The following EDN3 variants were observed in gnomAD, a reference collection of about 807,000 sequenced individuals.
EDN3 encodes the protein endothelin 3, also known as endothelin-3.
EDN3 carries 9 observed loss-of-function variants against 21.4 expected under a neutral mutation model. That is an observed-to-expected ratio of 0.42 (90% confidence interval 0.25 to 0.73). The LOEUF is 0.73. EDN3 is among the 30% of genes least tolerant of loss of function. The pLI, the probability that EDN3 is intolerant of heterozygous loss-of-function variation, is 0.26. For missense variants in EDN3, 327 were observed against 309.4 expected (o/e 1.06, Z -0.43); for synonymous variants, 133 against 126.2 (o/e 1.05, Z -0.36).
chr20:59,304,219 G>A (rs892292326), intron 2 of EDN3, among the ~76,000 whole-genome samples: 1 of 152,136 alleles, frequency 6.6e-6, no homozygotes, highest in Non-Finnish European at 1.5e-5. Flanking sequence ...GAGAAAATGG[G>A]CTGTGGTGAC....
At position 59,301,459 on chromosome 20, in the gene EDN3, C is replaced by T. The variant is rs760033782; in HGVS notation, c.102C>T (p.Ser34=). The T allele has an allele frequency of 6.2e-6, 10 of 1,613,338 alleles. No individual in the cohort carries two copies. The Admixed American group carries it at 1.7e-4, about 27-fold the overall frequency. The change falls in exon 2 of 5, where the codon TCC becomes TCT. Residue 34 remains serine, a synonymous_variant. Transcript: ENST00000337938. ...GGGATGCTGGCAGGCGCGGCGTGTC[C>T]CAGGCCCCCACTGCAGCCAGATCTG... ...QSGDAGRRGV[S]QAPTAARSEG... is the part of the protein sequence containing the mutation.
intron 2 of EDN3, among the ~76,000 whole-genome samples, chr20:59,302,111 T>A (rs1182645144): frequency 6.6e-6 from 1 of 152,208 alleles, no homozygotes; most frequent in Non-Finnish European, 1.5e-5. Context: ...TACTCACTGT[T>A]GACCCCACCA....
At position 59,321,055 on chromosome 20, in the gene EDN3, G is replaced by A. The variant is rs374873073; in HGVS notation, c.404G>A (p.Ser135Asn). ...VPYGLSNYRGSFRGKRSAGPL... is the reference protein window; with the variant it reads ...VPYGLSNYRGNFRGKRSAGPL... The stretch of plus-strand genomic sequence containing the variant: ...TATGGACTGTCCAACTACAGAGGAA[G>A]CTTCCGGGGCAAGAGGTCTGCGGGG... The change falls in exon 3 of 5, where the codon AGC becomes AAC. Residue 135 changes from serine (S) to asparagine (N), a missense_variant. Coordinates refer to ENST00000337938, the MANE Select transcript of EDN3 (RefSeq NM_207034.3). 2 of 1,614,130 alleles carry A rather than the reference G, an allele frequency of 1.2e-6. No individual in the cohort carries two copies. Among genetic ancestry groups the A allele is most frequent in the Non-Finnish European group, 1.7e-6 (2 of 1,180,058 alleles).
intron 2 of EDN3, among the ~76,000 whole-genome samples, chr20:59,312,416 C>G (rs550018716): frequency 6.6e-6 from 1 of 152,126 alleles, no homozygotes; most frequent in East Asian, 1.9e-4. Flanking sequence ...TAACAAAAAC[C>G]AGAGGTATTT....
rs545445596 is a variant in EDN3, at chr20:59,300,620, T to C, written c.-193T>C. The C allele has an allele frequency of 4.9e-6, 3 of 609,828 alleles. No individual in the cohort carries two copies. In the African/African-American group the frequency reaches 5.7e-5, roughly 12 times the overall value. The allele number at this position is 609,828 out of a possible 1,614,324, so 37.8% of individuals were successfully genotyped here. ...ACAGCCGGCCAGCTCCGCGCAGGGATGGGCAGCGCGCTCTGAAAGTTTATG... is the reference window on the plus strand; with the variant it reads ...ACAGCCGGCCAGCTCCGCGCAGGGACGGGCAGCGCGCTCTGAAAGTTTATG... On this transcript the variant is annotated 5_prime_UTR_variant, in exon 1 of 5. It removes an upstream start codon present in the reference 5' UTR. Transcript: ENST00000337938.
intron 2 of EDN3, among the ~76,000 whole-genome samples, chr20:59,303,387 T>A (rs760259195): frequency 6.6e-6 from 1 of 152,240 alleles, no homozygotes; most frequent in Non-Finnish European, 1.5e-5. Flanking sequence ...GGCACTGCCC[T>A]TTCTGATTCT....
chr20:59,311,088 A>G (rs1989773851), intron 2 of EDN3, among the ~76,000 whole-genome samples: 1 of 152,186 alleles, frequency 6.6e-6, no homozygotes. Context: ...TATTGTTTTT[A>G]GTAAAGGCAG....
In EDN3 at chr20:59,316,045, G is replaced by A. The variant is rs11570318; in HGVS notation, c.366-4972G>A. ...CTAAAAATACAAAAAAATTAGCTGGGTGTGGTGGTGTGTGCCTGTAGTCCC... is the reference window on the plus strand; with the variant it reads ...CTAAAAATACAAAAAAATTAGCTGGATGTGGTGGTGTGTGCCTGTAGTCCC... On this transcript the variant is annotated intron_variant, in intron 2 of 4. Transcript: ENST00000337938. Among the ~76,000 whole-genome samples, 755 of 152,248 alleles carry A rather than the reference G, an allele frequency of 5.0e-3. 3 individuals carry two copies. Among genetic ancestry groups the A allele is most frequent in the Non-Finnish European group, 8.7e-3 (595 of 68,008 alleles).
rs11570295 is a variant in EDN3 at position 59,309,770 on chromosome 20, T to C, written c.365+8048T>C. ...TAAGTTTCGCAGTTTGTTGGAAAGG[T>C]CAGTCCTACGAGGACTTTTCTGTTG... On this transcript the variant is annotated intron_variant, in intron 2 of 4. Coordinates refer to ENST00000337938, the MANE Select transcript of EDN3 (RefSeq NM_207034.3). 2.9e-3 allele frequency among the ~76,000 whole-genome samples: 444 copies of C among 152,278 alleles called. 5 individuals are homozygous for C. The highest frequency in any genetic ancestry group is 5.4e-3 in the Non-Finnish European group (368 of 68,010).
intron 2 of EDN3, among the ~76,000 whole-genome samples, chr20:59,302,122 G>A (rs1377184388): frequency 6.6e-6 from 1 of 152,192 alleles, no homozygotes; most frequent in Non-Finnish European, 1.5e-5. Context: ...GACCCCACCA[G>A]GATCCAAGGG....
At position 59,324,611 on chromosome 20, in the gene EDN3, G is replaced by A. The variant is rs3026576; in HGVS notation, c.*152G>A. On this transcript the variant is annotated 3_prime_UTR_variant, in exon 5 of 5. Transcript: ENST00000337938. ...CCACTTAACAATACCCCCCCCCCACGGCAAGAATGCCCAAATCCGAATGAC... is the reference window on the plus strand; with the variant it reads ...CCACTTAACAATACCCCCCCCCCACAGCAAGAATGCCCAAATCCGAATGAC... 65 of 1,040,394 alleles carry A rather than the reference G, an allele frequency of 6.2e-5. No individual in the cohort carries two copies. Among genetic ancestry groups the A allele is most frequent in the South Asian group, 4.8e-4 (34 of 70,502 alleles). 64.4% of individuals were successfully genotyped at this position (1,040,394 alleles called of 1,614,324 possible).
chr20:59,323,402 A>T (rs551348362), intron 4 of EDN3, among the ~76,000 whole-genome samples: 4 of 152,150 alleles, frequency 2.6e-5, no homozygotes, highest in Admixed American at 2.6e-4. Flanking sequence ...CCATTGCATC[A>T]TTTATTCATT....
rs1424090264 is a variant in EDN3, at chr20:59,301,499, G to GA, written c.143dup (p.Thr49AspfsTer42). The GA allele has an allele frequency of 6.2e-7, 1 of 1,612,910 alleles. No individual in the cohort carries two copies. The highest frequency in any genetic ancestry group is 8.5e-7 in the Non-Finnish European group (1 of 1,179,782). On this transcript the variant is annotated frameshift_variant, in exon 2 of 5. Coordinates refer to ENST00000337938, the MANE Select transcript of EDN3 (RefSeq NM_207034.3). LOFTEE classifies it high-confidence loss of function. The stretch of plus-strand genomic sequence containing the variant: ...AGCCAGATCTGAGGGGGACTGTGAA[G>GA]AGACTGTGGCTGGCCCTGGCGAGGA...
Position 59,323,140 on chromosome 20 carries a change from C to A in EDN3, c.588+723C>A, listed in dbSNP as rs3026577. Among the ~76,000 whole-genome samples, 54 of 152,230 alleles carry A rather than the reference C, an allele frequency of 3.5e-4. No homozygotes were observed. The East Asian group carries it at 0.01, about 28-fold the overall frequency. The stretch of plus-strand genomic sequence containing the variant: ...CTGATCGAGGGAAGATGAAACCATG[C>A]TCAGTATACAGGAGCTTTCCAAATT... On this transcript the variant is annotated intron_variant, in intron 4 of 4. Coordinates refer to ENST00000337938, the MANE Select transcript of EDN3 (RefSeq NM_207034.3).
rs1312988244 is a variant in EDN3, at chr20:59,301,603, G to T, written c.246G>T (p.Glu82Asp). The change falls in exon 2 of 5, where the codon GAG becomes GAT. Residue 82 changes from glutamate (E) to aspartate (D), a missense_variant. Physicochemically the swap from Glu to Asp is conservative, Grantham distance 45 (BLOSUM62 2). Coordinates refer to ENST00000337938, the MANE Select transcript of EDN3 (RefSeq NM_207034.3). ...QGPSPGSPGQ[E>D]QAAEGAPEHH... ...CAAGCCCTGGAAGCCCTGGGCAGGA[G>T]CAGGCGGCCGAGGGGGCCCCTGAGC... The T allele has an allele frequency of 2.5e-6, 4 of 1,613,964 alleles. No homozygotes were observed. The highest frequency in any genetic ancestry group is 3.4e-6 in the Non-Finnish European group (4 of 1,179,996).
chr20:59,324,236 A>C, intron 4 of EDN3, 95 bp from the exon 5 acceptor site: 1 of 1,508,608 alleles, frequency 6.6e-7, no homozygotes. Flanking sequence ...AGGCAGTGGG[A>C]AGACGTTCCC....
At chr20:59,300,984 G>A (rs1988968054) in intron 1 of EDN3, 120 bp downstream of exon 1, 3 of 1,244,320 alleles carry the variant, frequency 2.4e-6, no homozygotes, top group East Asian at 2.5e-5. Flanking sequence ...CCTGGGCTCT[G>A]CACTCGTGAA....
intron 4 of EDN3, 90 bp from the exon 5 acceptor site, chr20:59,324,241 G>C: frequency 6.5e-7 from 1 of 1,538,400 alleles, no homozygotes; most frequent in South Asian, 1.1e-5. Flanking sequence ...GTGGGAAGAC[G>C]TTCCCTTTTT....
intron 2 of EDN3, among the ~76,000 whole-genome samples, chr20:59,307,218 C>G (rs1267726033): frequency 1.3e-5 from 2 of 152,210 alleles, no homozygotes; most frequent in Non-Finnish European, 2.9e-5. Flanking sequence ...CCATATGAGG[C>G]AGAGGGCCAG....
Sources: gnomAD v4.1 joint callset for allele counts (sites outside exome capture counted in the v4.1 genomes callset) on GRCh38, gnomAD v4.1.1 for gene constraint, MANE v1.5 for transcripts, NCBI Gene and HGNC (gene_info 2026-07-23, HGNC 2026-07-21) for gene names.